The following ZNF514 variants were observed in gnomAD, a reference collection of about 807,000 sequenced individuals.
ZNF514 encodes the protein zinc finger protein 514.
Under a neutral mutation model 9.7 loss-of-function variants are expected in ZNF514, and 12 were observed. The ratio of observed to expected loss-of-function variants is 1.24; its 90% CI spans 0.79 to 2.01. The LOEUF (loss-of-function observed/expected upper bound fraction) is 2.01, where lower values mean the gene tolerates loss of function less well. ZNF514 is among the 30% of genes most tolerant of loss of function. ZNF514 has a pLI of 0.00. For missense variants in ZNF514, 467 were observed against 465.5 expected, an observed-to-expected ratio of 1.00 and a Z score of -0.03; for synonymous variants, 158 against 163.7, an observed-to-expected ratio of 0.97 and a Z score of 0.27.
At position 95,149,652 on chromosome 2, in the gene ZNF514, T is replaced by C; in HGVS notation, c.833A>G (p.His278Arg). 2 of 1,614,226 alleles carry C rather than the reference T, an allele frequency of 1.2e-6. No homozygotes were observed. The highest frequency in any genetic ancestry group is 1.7e-6 in the Non-Finnish European group (2 of 1,180,030). Residue 278 changes from histidine (H) to arginine (R), a missense_variant, in exon 5 of 5, where the codon CAC becomes CGC. By Grantham distance (29) the His-to-Arg change is conservative (BLOSUM62 0). Transcript: ENST00000295208. ...AFSQSSSLVLHYRFHTGEKPY... is the reference protein window; with the variant it reads ...AFSQSSSLVLRYRFHTGEKPY... The stretch of plus-strand genomic sequence containing the variant: ...TTTCTCTCCAGTGTGAAATCTATAG[T>C]GCAGAACAAGAGACGAACTCTGGCT...
the ZNF514 span, among the ~76,000 whole-genome samples, chr2:95,138,610 C>T: frequency 3.3e-5 from 5 of 152,280 alleles, no homozygotes; most frequent in East Asian, 1.9e-4. Flanking sequence ...TAATAACCTA[C>T]GCTCAGATGT....
chr2:95,150,059 T>C lies in ZNF514; in HGVS notation c.426A>G (p.Lys142=). The C allele has an allele frequency of 6.2e-7, 1 of 1,614,098 alleles. No individual in the cohort carries two copies. Among genetic ancestry groups the C allele is most frequent in the Non-Finnish European group, 8.5e-7 (1 of 1,180,012 alleles). ...RHLKQMSTIH[K]SATTLSRDYK... is the part of the protein sequence containing the mutation. ...AATCTCTGCTAAGGGTGGTGGCAGA[T>C]TTGTGAATGGTTGACATTTGTTTCA... is the stretch of plus-strand genomic sequence containing the variant. The change falls in exon 5 of 5, where the codon AAA becomes AAG. Residue 142 remains lysine (K), a synonymous_variant. Coordinates refer to ENST00000295208, the MANE Select transcript of ZNF514 (RefSeq NM_032788.3).
the ZNF514 span, among the ~76,000 whole-genome samples, chr2:95,126,182 C>T: frequency 1.3e-5 from 2 of 151,898 alleles, no homozygotes; most frequent in Admixed American, 6.6e-5. Context: ...ACCAGCCTGG[C>T]TAACATGGTG....
intron 2 of ZNF514, chr2:95,154,467 A>C (rs1047558515): frequency 2.4e-4 from 36 of 152,274 alleles, no homozygotes; most frequent in African/African-American, 8.4e-4. Flanking sequence ...GCAGTGAAGA[A>C]ACTTATTGGC....
chr2:95,149,226 T>C lies in ZNF514; in HGVS notation c.*56A>G. On this transcript the variant is annotated 3_prime_UTR_variant, in exon 5 of 5. Coordinates refer to ENST00000295208, the MANE Select transcript of ZNF514 (RefSeq NM_032788.3). Reference sequence around the variant, plus strand: ...TAGGATCTCTCTCTGATATGAATTCTTTAAGTTCCAGTGATGTCTGCACTC... The same window carrying C: ...TAGGATCTCTCTCTGATATGAATTCCTTAAGTTCCAGTGATGTCTGCACTC... The C allele has an allele frequency of 6.6e-7, 1 of 1,515,512 alleles. No homozygotes were observed. The highest frequency in any genetic ancestry group is 8.8e-7 in the Non-Finnish European group (1 of 1,134,624). 93.9% of individuals were successfully genotyped at this position (1,515,512 alleles called of 1,614,324 possible).
chr2:95,126,675 C>A, the ZNF514 span, among the ~76,000 whole-genome samples: 1 of 152,080 alleles, frequency 6.6e-6, no homozygotes, highest in Non-Finnish European at 1.5e-5. Flanking sequence ...AGTAAAATGT[C>A]TTTTGCTCAT....
chr2:95,141,762 C>T (rs903579015), downstream of ZNF514, among the ~76,000 whole-genome samples: 1 of 152,126 alleles, frequency 6.6e-6, no homozygotes, highest in Non-Finnish European at 1.5e-5. Context: ...CAATCAAACT[C>T]TAGGGAGTCA....
At chr2:95,136,062 C>CA in the ZNF514 span, among the ~76,000 whole-genome samples, 3 of 151,560 alleles carry the variant, frequency 2.0e-5, no homozygotes, top group East Asian at 1.9e-4. Context: ...GACTCCATCT[C>CA]AAAAAAATAA....
chr2:95,128,722 G>C, the ZNF514 span, among the ~76,000 whole-genome samples: 2 of 151,198 alleles, frequency 1.3e-5, no homozygotes, highest in East Asian at 3.9e-4. Context: ...AAAGAAGGAG[G>C]AGGGAGGAGT....
Position 95,149,850 on chromosome 2 carries a change from G to A in ZNF514, c.635C>T (p.Ser212Phe), listed in dbSNP as rs770269454. ...CCTAAGTTCTGACTGGAAGTGAAAG[G>A]ACTTCCCACACTCATTACATTTACA... The part of the protein sequence containing the change: ...KSCKCNECGK[S>F]FHFQSELRRH... Residue 212 changes from serine to phenylalanine, a missense_variant, in exon 5 of 5, where the codon TCC becomes TTC. Coordinates refer to ENST00000295208, the MANE Select transcript of ZNF514 (RefSeq NM_032788.3). The A allele has an allele frequency of 6.2e-7, 1 of 1,614,206 alleles. No individual in the cohort carries two copies. Among genetic ancestry groups the A allele is most frequent in the Non-Finnish European group, 8.5e-7 (1 of 1,180,038 alleles).
intron 2 of ZNF514, chr2:95,153,507 C>T: frequency 3.2e-6 from 1 of 317,274 alleles, no homozygotes; most frequent in Non-Finnish European, 5.7e-6. Context: ...CAACAGTTTT[C>T]TAATAAAGTA....
At chr2:95,152,113 T>A (rs1673560772) in intron 4 of ZNF514, among the ~76,000 whole-genome samples, 1 of 152,140 alleles carries the variant, frequency 6.6e-6, no homozygotes, top group African/African-American at 2.4e-5. Context: ...CCAAGGCATA[T>A]AGCCTACCAG....
intron 2 of ZNF514, chr2:95,154,597 T>C (rs1558702842): frequency 6.6e-6 from 1 of 152,206 alleles, no homozygotes; most frequent in Non-Finnish European, 1.5e-5. Context: ...GCTGGAAACA[T>C]AACATTAGTA....
rs551806585 is a variant in ZNF514 at position 95,149,647 on chromosome 2, T to C, written c.838A>G (p.Arg280Gly). ...TAGGGTTTCTCTCCAGTGTGAAATCTATAGTGCAGAACAAGAGACGAACTC... is the reference window on the plus strand; with the variant it reads ...TAGGGTTTCTCTCCAGTGTGAAATCCATAGTGCAGAACAAGAGACGAACTC... Reference protein sequence around the residue: ...SQSSSLVLHYRFHTGEKPYKC... With the variant: ...SQSSSLVLHYGFHTGEKPYKC... The change falls in exon 5 of 5, where the codon AGA becomes GGA. Residue 280 changes from arginine to glycine, a missense_variant. Transcript: ENST00000295208. 1 of 1,614,172 alleles carries C rather than the reference T, an allele frequency of 6.2e-7. No homozygotes were observed. The highest frequency in any genetic ancestry group is 1.1e-5 in the South Asian group (1 of 91,080).
chr2:95,133,245 A>T, the ZNF514 span, among the ~76,000 whole-genome samples: 3 of 152,134 alleles, frequency 2.0e-5, no homozygotes, highest in Admixed American at 1.3e-4. Flanking sequence ...GAGGTGGGAG[A>T]ATCGCTTAAG....
chr2:95,137,711 G>T, the ZNF514 span, among the ~76,000 whole-genome samples: 1 of 152,130 alleles, frequency 6.6e-6, no homozygotes, highest in African/African-American at 2.4e-5. Flanking sequence ...CTGAAAATTT[G>T]CAGTCCTTAC....
the ZNF514 span, among the ~76,000 whole-genome samples, chr2:95,132,913 C>T: frequency 2.0e-5 from 3 of 150,384 alleles, no homozygotes; most frequent in East Asian, 2.0e-4. Flanking sequence ...TACCCTACTA[C>T]GCCTAGCAAT....
the ZNF514 span, among the ~76,000 whole-genome samples, chr2:95,127,448 T>C: frequency 6.6e-6 from 1 of 152,200 alleles, no homozygotes; most frequent in African/African-American, 2.4e-5. Context: ...ATTCTGATGA[T>C]TGTGTTTGTT....
intron 2 of ZNF514, chr2:95,153,573 T>C (rs1345720591): frequency 5.2e-6 from 1 of 193,882 alleles, no homozygotes. Flanking sequence ...TCAAGTAATC[T>C]GGGGCTTATG....
Sources: allele counts gnomAD v4.1 joint callset (sites outside exome capture counted in the v4.1 genomes callset), GRCh38; gene constraint gnomAD v4.1.1; transcripts MANE v1.5; gene names NCBI Gene and HGNC (gene_info 2026-07-23, HGNC 2026-07-21).